Variants in PAK5 observed in about 807,000 individuals in gnomAD.
The protein encoded by PAK5 is p21 (RAC1) activated kinase 5.
Under a neutral mutation model 65.9 loss-of-function variants are expected in PAK5, and 16 were observed. That is an observed-to-expected ratio of 0.24 (90% CI 0.16 to 0.37). The LOEUF is 0.37. Ranked by LOEUF, PAK5 falls within the 10% of genes least tolerant of loss-of-function variation. The pLI is 1.00. For missense variants in PAK5, 785 were observed against 903.9 expected, an observed-to-expected ratio of 0.87 and a Z score of 1.69; for synonymous variants, 371 against 354.9, an observed-to-expected ratio of 1.05 and a Z score of -0.51.
chr20:9,561,645 C>G (rs149878143), intron 6 of PAK5, among the ~76,000 whole-genome samples: 56 of 152,250 alleles, frequency 3.7e-4, no homozygotes, highest in African/African-American at 1.3e-3. Flanking sequence ...TTATACTTCA[C>G]AGGGTTTCCC....
chr20:9,596,322 A>C (rs1367393819), intron 3 of PAK5, among the ~76,000 whole-genome samples: 1 of 152,136 alleles, frequency 6.6e-6, no homozygotes, highest in African/African-American at 2.4e-5. Flanking sequence ...AAAAGCTGCC[A>C]ATGTCTTCAG....
At chr20:9,659,940 A>G (rs2047321750) in intron 2 of PAK5, among the ~76,000 whole-genome samples, 1 of 152,156 alleles carries the variant, frequency 6.6e-6, no homozygotes, top group Admixed American at 6.5e-5. Flanking sequence ...TTGCTTCTCT[A>G]TAACAGCAAG....
intron 5 of PAK5, among the ~76,000 whole-genome samples, chr20:9,564,800 A>G (rs1267103691): frequency 1.3e-5 from 2 of 152,176 alleles, no homozygotes; most frequent in African/African-American, 4.8e-5. Context: ...GGTTTTAAAT[A>G]TGATACATGT....
intron 1 of PAK5, among the ~76,000 whole-genome samples, chr20:9,718,509 A>T (rs2048176599): frequency 6.6e-6 from 1 of 151,910 alleles, no homozygotes; most frequent in Admixed American, 6.6e-5. Context: ...CCCTTTATGG[A>T]GAATGGGCTC....
intron 2 of PAK5, among the ~76,000 whole-genome samples, chr20:9,664,896 G>C (rs189431665): frequency 1.2e-4 from 19 of 152,076 alleles, no homozygotes; most frequent in African/African-American, 4.6e-4. Flanking sequence ...AAATGGGTAT[G>C]GCAGGCATAT....
chr20:9,688,195 C>A (rs2047746002), intron 2 of PAK5, among the ~76,000 whole-genome samples: 2 of 152,058 alleles, frequency 1.3e-5, no homozygotes, highest in Non-Finnish European at 2.9e-5. Context: ...AAACAGAGGG[C>A]AGACTTTGCT....
At chr20:9,765,000 T>C (rs1042840872) in intron 1 of PAK5, among the ~76,000 whole-genome samples, 4 of 152,298 alleles carry the variant, frequency 2.6e-5, no homozygotes, top group African/African-American at 9.6e-5. Flanking sequence ...ATGAGTGGAA[T>C]TGATAAATCA....
chr20:9,793,336 G>A (rs1041568085), intron 1 of PAK5, among the ~76,000 whole-genome samples: 2 of 152,076 alleles, frequency 1.3e-5, no homozygotes, highest in Non-Finnish European at 1.5e-5. Flanking sequence ...TTTGTAAATA[G>A]TATCAATGTA....
At chr20:9,541,266 C>A (rs896769753) in intron 9 of PAK5, among the ~76,000 whole-genome samples, 1 of 151,982 alleles carries the variant, frequency 6.6e-6, no homozygotes, top group Non-Finnish European at 1.5e-5. Flanking sequence ...GTGTATGGGG[C>A]CAGTGTTTAT....
rs141381675 is a variant in PAK5 at position 9,667,070 on chromosome 20, A to G, written c.-11-22731T>C. Among the ~76,000 whole-genome samples, 1,466 of 152,282 alleles carry G rather than the reference A, an allele frequency of 9.6e-3. 18 individuals are homozygous for G. The highest frequency in any genetic ancestry group is 0.033 in the African/African-American group (1,356 of 41,556). ...GGCTGGTGGATCACTTGAGGTCAGG[A>G]GTTTGAGACCAGCCTGGCCAACATG... is the stretch of plus-strand genomic sequence containing the variant. On this transcript the variant is annotated intron_variant, in intron 2 of 9. Transcript: ENST00000353224.
chr20:9,759,769 G>C (rs911788098), intron 1 of PAK5, among the ~76,000 whole-genome samples: 1 of 152,172 alleles, frequency 6.6e-6, no homozygotes, highest in African/African-American at 2.4e-5. Flanking sequence ...GAGGCAGGAA[G>C]AGAATGTTGC....
Position 9,766,367 on chromosome 20 carries a change from A to ACT in PAK5, c.-161-54933_-161-54932insAG, listed in dbSNP as rs1569079030. Among the ~76,000 whole-genome samples, 9 of 62,114 alleles carry ACT rather than the reference A, an allele frequency of 1.4e-4. 1 individual carries two copies. The highest frequency in any genetic ancestry group is 5.9e-4 in the African/African-American group (8 of 13,496). The allele number at this position is 62,114 out of a possible 152,430, so 40.7% of individuals were successfully genotyped here. ...ATTCTACTTACTTGAATATATATAT[A>ACT]TATTCAAGCAGAATATATATGTATA... On this transcript the variant is annotated intron_variant, in intron 1 of 9. Transcript: ENST00000353224.
chr20:9,589,667 G>GT (rs1233597485), intron 3 of PAK5, among the ~76,000 whole-genome samples: 4 of 152,038 alleles, frequency 2.6e-5, no homozygotes, highest in East Asian at 1.9e-4. Context: ...GCCAATTTCT[G>GT]TTTTTTTGTT....
intron 3 of PAK5, among the ~76,000 whole-genome samples, chr20:9,590,340 G>A (rs2046145995): frequency 6.6e-6 from 1 of 152,160 alleles, no homozygotes; most frequent in South Asian, 2.1e-4. Context: ...CTTGTATTGA[G>A]CAGAACTGAT....
intron 1 of PAK5, among the ~76,000 whole-genome samples, chr20:9,824,304 AG>A (rs112466363): frequency 5.3e-5 from 8 of 152,228 alleles, no homozygotes; most frequent in African/African-American, 1.7e-4. Context: ...CTATAATTCC[AG>A]CACTTTGGGA....
chr20:9,596,575 G>C (rs2046270969), intron 3 of PAK5, among the ~76,000 whole-genome samples: 1 of 143,984 alleles, frequency 6.9e-6, no homozygotes, highest in Non-Finnish European at 1.5e-5. Context: ...GGCGGAGCTT[G>C]CAGTGAGCTG....
chr20:9,640,739 G>C (rs1412404042), intron 3 of PAK5, among the ~76,000 whole-genome samples: 1 of 152,038 alleles, frequency 6.6e-6, no homozygotes, highest in East Asian at 1.9e-4. Context: ...TGGCTCAGGA[G>C]TGAAGCTGCA....
intron 1 of PAK5, among the ~76,000 whole-genome samples, chr20:9,824,116 C>A (rs556469525): frequency 3.4e-4 from 51 of 152,170 alleles, no homozygotes; most frequent in Non-Finnish European, 7.2e-4. Flanking sequence ...TGAGGCACAT[C>A]TTTTCTTTCT....
chr20:9,831,595 C>T (rs1978720936), intron 1 of PAK5, among the ~76,000 whole-genome samples: 1 of 152,214 alleles, frequency 6.6e-6, no homozygotes, highest in Non-Finnish European at 1.5e-5. Flanking sequence ...GCAACCTCCA[C>T]TTCATGGGCT....
Sources: allele counts gnomAD v4.1 joint callset (sites outside exome capture counted in the v4.1 genomes callset), GRCh38; gene constraint gnomAD v4.1.1; transcripts MANE v1.5; gene names NCBI Gene and HGNC (gene_info 2026-07-23, HGNC 2026-07-21).